The following RGS5 variants were observed in gnomAD, a reference collection of about 807,000 sequenced individuals.
The protein encoded by RGS5 is regulator of G protein signaling 5.
RGS5 carries 20 observed loss-of-function variants against 18.9 expected under a neutral mutation model. The observed-to-expected ratio is 1.06, with a 90% CI of 0.74 to 1.54. RGS5 has a LOEUF of 1.54. RGS5 is among the 40% of genes most tolerant of loss of function. The pLI is 0.00. For missense variants in RGS5, 201 were observed against 211.8 expected, an observed-to-expected ratio of 0.95 and a Z score of 0.32; for synonymous variants, 57 against 76.2, an observed-to-expected ratio of 0.75 and a Z score of 1.31.
At chr1:163,312,312 A>G (rs1179522958) in intron 1 of RGS5, among the ~76,000 whole-genome samples, 2 of 152,230 alleles carry the variant, frequency 1.3e-5, no homozygotes, top group Non-Finnish European at 2.9e-5. Context: ...GCTTTTCTTT[A>G]TAAATTACTC....
intron 2 of RGS5, among the ~76,000 whole-genome samples, chr1:163,287,690 T>A (rs1283719992): frequency 3.9e-5 from 6 of 152,238 alleles, no homozygotes; most frequent in South Asian, 4.1e-4. Flanking sequence ...TTCTCTTTAA[T>A]ATGACTCCTC....
intron 1 of RGS5, among the ~76,000 whole-genome samples, chr1:163,307,012 A>G (rs1217716185): frequency 1.3e-5 from 2 of 152,222 alleles, no homozygotes; most frequent in Non-Finnish European, 2.9e-5. Context: ...CTGATGCATT[A>G]TACCTTAATT....
intron 2 of RGS5, among the ~76,000 whole-genome samples, chr1:163,236,720 T>C (rs1054343338): frequency 4.6e-5 from 7 of 152,052 alleles, no homozygotes; most frequent in African/African-American, 1.7e-4. Flanking sequence ...TCCCAGCACT[T>C]TGGGAGGTCG....
At chr1:163,173,422 CCT>C (rs1658393276) in intron 1 of RGS5, among the ~76,000 whole-genome samples, 1 of 152,100 alleles carries the variant, frequency 6.6e-6, no homozygotes, top group African/African-American at 2.4e-5. Context: ...AAATCTGCTC[CCT>C]GTGTGGGTAT....
chr1:163,148,683 C>T (rs974547430), intron 4 of RGS5, among the ~76,000 whole-genome samples: 10 of 152,196 alleles, frequency 6.6e-5, no homozygotes, highest in African/African-American at 2.4e-4. Context: ...CTTACATGTC[C>T]TGAGTGCAGG....
At chr1:163,265,946 C>T (rs1250260141) in intron 2 of RGS5, among the ~76,000 whole-genome samples, 2 of 152,082 alleles carry the variant, frequency 1.3e-5, no homozygotes, top group East Asian at 3.8e-4. Flanking sequence ...CAATCAACCC[C>T]CAAATAAATA....
intron 4 of RGS5, 140 bp downstream of exon 4, chr1:163,152,410 T>C (rs2102383248): frequency 2.4e-6 from 2 of 816,778 alleles, no homozygotes; most frequent in Non-Finnish European, 3.8e-6. Context: ...GCCTTTGTAC[T>C]CAATAGGTGC....
At chr1:163,315,504 T>C (rs1649995809) in intron 1 of RGS5, among the ~76,000 whole-genome samples, 1 of 152,208 alleles carries the variant, frequency 6.6e-6, no homozygotes, top group South Asian at 2.1e-4. Flanking sequence ...ATTAAAATAA[T>C]AGAGTTTGCT....
At chr1:163,173,163 T>A (rs1231225572) in intron 1 of RGS5, among the ~76,000 whole-genome samples, 1 of 152,216 alleles carries the variant, frequency 6.6e-6, no homozygotes, top group East Asian at 1.9e-4. Context: ...ACACTAGACA[T>A]TTTTTCCTGG....
At chr1:163,290,749 T>C (rs1462724427) in intron 2 of RGS5, among the ~76,000 whole-genome samples, 1 of 152,074 alleles carries the variant, frequency 6.6e-6, no homozygotes, top group Non-Finnish European at 1.5e-5. Flanking sequence ...TCAGAAAACG[T>C]GCTTCTCTTG....
intron 1 of RGS5, among the ~76,000 whole-genome samples, chr1:163,188,638 A>C (rs1659196956): frequency 6.6e-6 from 1 of 152,180 alleles, no homozygotes; most frequent in South Asian, 2.1e-4. Flanking sequence ...GTTATTCCTG[A>C]GGGAAGAGGC....
chr1:163,232,856 A>G (rs1034195798), intron 2 of RGS5, among the ~76,000 whole-genome samples: 4 of 152,198 alleles, frequency 2.6e-5, no homozygotes, highest in African/African-American at 9.7e-5. Context: ...TACAGCATAG[A>G]CCCAAATGAA....
intron 1 of RGS5, among the ~76,000 whole-genome samples, chr1:163,216,542 T>C (rs1367706462): frequency 1.3e-5 from 2 of 152,196 alleles, no homozygotes; most frequent in African/African-American, 4.8e-5. Context: ...ACTAGGCGGA[T>C]TGACTTCAGC....
At chr1:163,215,250 G>C (rs1660192614) in intron 1 of RGS5, among the ~76,000 whole-genome samples, 1 of 152,182 alleles carries the variant, frequency 6.6e-6, no homozygotes, top group African/African-American at 2.4e-5. Flanking sequence ...AGGCTGCATA[G>C]TATAATGGTA....
At position 163,251,501 on chromosome 1, in the gene RGS5, A is replaced by G. The variant is rs142045407; in HGVS notation, c.-281+54732T>C. Reference sequence around the variant, plus strand: ...TCCCTCCTTTTCTTGTGGATTCTTAATGTATCAGAACCCAGGGTTTGGTCC... The same window carrying G: ...TCCCTCCTTTTCTTGTGGATTCTTAGTGTATCAGAACCCAGGGTTTGGTCC... On this transcript the variant is annotated intron_variant, in intron 2 of 5. Transcript: ENST00000618415. 2.4e-3 allele frequency among the ~76,000 whole-genome samples: 360 copies of G among 152,252 alleles called. 4 individuals carry two copies. The highest frequency in any genetic ancestry group is 4.0e-3 in the Non-Finnish European group (269 of 68,002).
intron 2 of RGS5, among the ~76,000 whole-genome samples, chr1:163,288,390 T>C (rs189789733): frequency 3.2e-4 from 49 of 152,326 alleles, no homozygotes; most frequent in African/African-American, 1.1e-3. Context: ...GTTGTTCCAC[T>C]GTGCAACGTG....
At chr1:163,159,821 T>C (rs539337235) in intron 3 of RGS5, among the ~76,000 whole-genome samples, 1 of 152,142 alleles carries the variant, frequency 6.6e-6, no homozygotes, top group Non-Finnish European at 1.5e-5. Flanking sequence ...TATATACACA[T>C]ATATAATTTC....
chr1:163,208,293 A>T lies in RGS5; in HGVS notation c.69+9233T>A, dbSNP rs575258534. ...AACCCGGGAGGCGGAGCTTGCAGTGAGCCGAGATCCCGCCACTGCACTCCA... is the reference window on the plus strand; with the variant it reads ...AACCCGGGAGGCGGAGCTTGCAGTGTGCCGAGATCCCGCCACTGCACTCCA... On this transcript the variant is annotated intron_variant, in intron 1 of 5. Transcript: ENST00000367903. Among the ~76,000 whole-genome samples the T allele has an allele frequency of 2.9e-4, 37 of 127,962 alleles. 1 individual carries two copies. Among genetic ancestry groups the T allele is most frequent in the African/African-American group, 1.1e-3 (37 of 34,726 alleles). The allele number at this position is 127,962 out of a possible 152,430, so 83.9% of individuals were successfully genotyped here. A position where few individuals can be genotyped will look rare whatever the true frequency, so the allele number is the denominator to read the frequency against.
chr1:163,194,382 A>G (rs7556104), intron 1 of RGS5, among the ~76,000 whole-genome samples: 22,911 of 152,178 alleles, frequency 0.15, 1,774 homozygotes, highest in South Asian at 0.26. Context: ...ATAAGAAATT[A>G]TAATAAAAAT....
Sources: allele counts gnomAD v4.1 joint callset (sites outside exome capture counted in the v4.1 genomes callset), GRCh38; gene constraint gnomAD v4.1.1; transcripts MANE v1.5; gene names NCBI Gene and HGNC (gene_info 2026-07-23, HGNC 2026-07-21).